ARHGEF38: variants seen among roughly 807,000 people sequenced by gnomAD.
The protein encoded by ARHGEF38 is Rho guanine nucleotide exchange factor 38.
Under a neutral mutation model 79.9 loss-of-function variants are expected in ARHGEF38, and 79 were observed. The observed-to-expected ratio is 0.99, with a 90% confidence interval of 0.82 to 1.19. The LOEUF (loss-of-function observed/expected upper bound fraction) is 1.19. Ranked by LOEUF, ARHGEF38 falls within the 50% of genes most tolerant of loss-of-function variation. The probability of loss-of-function intolerance (pLI) is 0.00; values close to 1 mark genes in which losing one functional copy is unlikely to be tolerated. For synonymous variants in ARHGEF38, 366 were observed against 328.3 expected (o/e 1.11, Z -1.24); for missense variants, 962 against 907.2 (o/e 1.06, Z -0.78).
chr4:105,658,903 A>G, intron 9 of ARHGEF38, 151 bp from the exon 10 acceptor site: 1 of 681,450 alleles, frequency 1.5e-6, no homozygotes, highest in Non-Finnish European at 2.4e-6. Context: ...GCCAGACACA[A>G]AATGATCAGA....
intron 2 of ARHGEF38, among the ~76,000 whole-genome samples, chr4:105,592,959 C>T (rs777453734): frequency 9.2e-5 from 14 of 152,112 alleles, no homozygotes; most frequent in Admixed American, 2.0e-4. Context: ...GGTTTTACTC[C>T]AGTCTGTGTC....
rs73837080 is a variant in ARHGEF38 at position 105,625,731 on chromosome 4, G to T, written c.509-5167G>T. ...ATGGCCATACCAATTGGATGGGAGGGTGGGAAATGTCATTTTGATTTGGGG... is the reference window on the plus strand; with the variant it reads ...ATGGCCATACCAATTGGATGGGAGGTTGGGAAATGTCATTTTGATTTGGGG... On this transcript the variant is annotated intron_variant, in intron 3 of 13. Transcript: ENST00000420470. 3.9e-4 allele frequency among the ~76,000 whole-genome samples: 60 copies of T among 152,318 alleles called. No individual in the cohort carries two copies. In the East Asian group the frequency reaches 9.1e-3, roughly 23 times the overall value.
In ARHGEF38 at chr4:105,628,410, T is replaced by C. The variant is rs116887168; in HGVS notation, c.509-2488T>C. 5.6e-3 allele frequency among the ~76,000 whole-genome samples: 858 copies of C among 152,324 alleles called. 27 individuals are homozygous for C. Among genetic ancestry groups the C allele is most frequent in the Admixed American group, 0.045 (682 of 15,302 alleles). ...GGGCCCTCCCAGCCAAAGCCACTAG[T>C]TCCCATTTGCTACCTGGTTCTGCTA... is the stretch of plus-strand genomic sequence containing the variant. On this transcript the variant is annotated intron_variant, in intron 3 of 13. Coordinates refer to ENST00000420470, the MANE Select transcript of ARHGEF38 (RefSeq NM_001242729.2).
At chr4:105,668,707 T>TAGATGATA (rs1553950236) in intron 13 of ARHGEF38, among the ~76,000 whole-genome samples, 4 of 148,416 alleles carry the variant, frequency 2.7e-5, no homozygotes, top group Middle Eastern at 3.2e-3. Context: ...GATAGATAGA[T>TAGATGATA]GATAGATAGA....
At chr4:105,603,962 A>T (rs1727932032) in intron 2 of ARHGEF38, among the ~76,000 whole-genome samples, 1 of 152,184 alleles carries the variant, frequency 6.6e-6, no homozygotes, top group African/African-American at 2.4e-5. Context: ...AAATTCAGGC[A>T]GGAGGTGTTT....
chr4:105,625,059 G>A (rs1419559424), intron 3 of ARHGEF38, among the ~76,000 whole-genome samples: 1 of 152,040 alleles, frequency 6.6e-6, no homozygotes, highest in Non-Finnish European at 1.5e-5. Context: ...TTCCTTTTGG[G>A]ATATATCTCA....
chr4:105,640,158 C>CACAA (rs1365662621), intron 5 of ARHGEF38, among the ~76,000 whole-genome samples: 2 of 152,200 alleles, frequency 1.3e-5, no homozygotes, highest in Non-Finnish European at 2.9e-5. Context: ...CAAACACACA[C>CACAA]ACAAACGCCT....
chr4:105,667,730 G>A (rs1386146236), intron 13 of ARHGEF38, 27 bp downstream of exon 13: 6 of 1,535,222 alleles, frequency 3.9e-6, no homozygotes, highest in Non-Finnish European at 5.2e-6. Context: ...AAAATATGTG[G>A]TTGTTCAAAT....
At chr4:105,639,114 T>C (rs1277646501) in intron 5 of ARHGEF38, among the ~76,000 whole-genome samples, 1 of 152,070 alleles carries the variant, frequency 6.6e-6, no homozygotes, top group East Asian at 1.9e-4. Context: ...ACTTGTAATG[T>C]ATAGGCCCAA....
At chr4:105,596,816 C>T (rs1319697593) in intron 2 of ARHGEF38, among the ~76,000 whole-genome samples, 2 of 152,220 alleles carry the variant, frequency 1.3e-5, no homozygotes, top group African/African-American at 4.8e-5. Flanking sequence ...TCCCTGGTGA[C>T]CGTCATGACA....
chr4:105,589,434 A>T lies in ARHGEF38; in HGVS notation c.383A>T (p.Lys128Met), dbSNP rs747637780. ...REVVQPLRNK[K>M]TDRLDVDSLF... ...GTGGTTCAGCCCCTGAGAAATAAAA[A>T]GGTAAATATATATTTGAGATTTTTT... The change falls in exon 2 of 14, where the codon AAG becomes ATG. Residue 128 changes from lysine (K) to methionine (M), a missense_variant and splice_region_variant. Physicochemically the swap from Lys to Met is moderately conservative, Grantham distance 95. Coordinates refer to ENST00000420470, the MANE Select transcript of ARHGEF38 (RefSeq NM_001242729.2). 3 of 1,601,744 alleles carry T rather than the reference A, an allele frequency of 1.9e-6. No homozygotes were observed. Among genetic ancestry groups the T allele is most frequent in the African/African-American group, 2.7e-5 (2 of 74,048 alleles).
intron 13 of ARHGEF38, among the ~76,000 whole-genome samples, chr4:105,668,656 A>G (rs1477534864): frequency 7.1e-6 from 1 of 141,586 alleles, no homozygotes; most frequent in Admixed American, 7.4e-5. Flanking sequence ...ATGTATATGT[A>G]TATGTGTAGA....
intron 9 of ARHGEF38, among the ~76,000 whole-genome samples, chr4:105,657,958 G>A (rs1730405029): frequency 6.6e-6 from 1 of 152,036 alleles, no homozygotes; most frequent in Non-Finnish European, 1.5e-5. Flanking sequence ...TATCATATAA[G>A]CATATATGAT....
intron 13 of ARHGEF38, among the ~76,000 whole-genome samples, 163 bp downstream of exon 13, chr4:105,667,866 C>T (rs540492961): frequency 6.6e-6 from 1 of 152,270 alleles, no homozygotes; most frequent in East Asian, 1.9e-4. Context: ...AGTTTAATTC[C>T]CTGAGCCTGT....
intron 1 of ARHGEF38, among the ~76,000 whole-genome samples, chr4:105,559,074 G>A (rs1354473709): frequency 6.6e-6 from 1 of 151,610 alleles, no homozygotes; most frequent in Non-Finnish European, 1.5e-5. Context: ...TCTGTTTACA[G>A]AATTACTTTT....
intron 4 of ARHGEF38, among the ~76,000 whole-genome samples, chr4:105,633,597 G>T (rs1465389259): frequency 6.6e-6 from 1 of 152,130 alleles, no homozygotes; most frequent in Non-Finnish European, 1.5e-5. Flanking sequence ...TTTGTTCGAA[G>T]CAATATCCAC....
At chr4:105,631,783 C>A in intron 4 of ARHGEF38, 1 of 692,020 alleles carries the variant, frequency 1.4e-6, no homozygotes, top group Non-Finnish European at 1.8e-6. Flanking sequence ...GAATTGGTAT[C>A]TTTCTGAATA....
At chr4:105,656,449 T>C (rs1365617845) in intron 9 of ARHGEF38, among the ~76,000 whole-genome samples, 1 of 152,224 alleles carries the variant, frequency 6.6e-6, no homozygotes, top group Non-Finnish European at 1.5e-5. Context: ...AGTCATATGT[T>C]ATTTATTTTG....
chr4:105,582,296 T>C (rs987739737), intron 1 of ARHGEF38, among the ~76,000 whole-genome samples: 4 of 146,350 alleles, frequency 2.7e-5, no homozygotes, highest in African/African-American at 8.0e-5. Context: ...TTTTGGCTTA[T>C]TGTATTTTTT....
Sources: gnomAD v4.1 joint callset for allele counts (sites outside exome capture counted in the v4.1 genomes callset) on GRCh38, gnomAD v4.1.1 for gene constraint, MANE v1.5 for transcripts, NCBI Gene and HGNC (gene_info 2026-07-23, HGNC 2026-07-21) for gene names.